Variants in CDKN2B-AS1 observed in about 807,000 individuals in gnomAD.
CDKN2B-AS1 encodes the protein CDKN2B antisense RNA 1 (non-protein coding).
chr9:22,062,658 G>A (rs960389975), intron 4 of CDKN2B-AS1, among the ~76,000 whole-genome samples: 1 of 151,996 alleles, frequency 6.6e-6, no homozygotes, highest in Non-Finnish European at 1.5e-5. Flanking sequence ...TTTCCCCTAA[G>A]TGAGGTGATA....
rs550202518 is a variant in CDKN2B-AS1, at chr9:22,090,005, G to A, written n.438+33618G>A. ...CCCCCACCCCACAACAGGCCCCGGT[G>A]TGTGATGTTCCCCTTCCTGTGTCCA... On this transcript the variant is annotated intron_variant and non_coding_transcript_variant, in intron 4 of 4. Coordinates refer to ENST00000650946, the Ensembl canonical transcript of CDKN2B-AS1. Among the ~76,000 whole-genome samples, 42 of 128,402 alleles carry A rather than the reference G, an allele frequency of 3.3e-4. No individual in the cohort carries two copies. In the East Asian group the frequency reaches 5.4e-3, roughly 17 times the overall value. 84.2% of individuals were successfully genotyped at this position (128,402 alleles called of 152,430 possible).
intron 1 of CDKN2B-AS1, among the ~76,000 whole-genome samples, chr9:22,028,178 A>G (rs968967268): frequency 4.6e-5 from 7 of 151,878 alleles, no homozygotes; most frequent in African/African-American, 1.7e-4. Flanking sequence ...AGCTCCTCCC[A>G]TCTGATAAAA....
chr9:22,126,981 C>A (rs1335649998), intron 4 of CDKN2B-AS1, among the ~76,000 whole-genome samples: 2 of 152,208 alleles, frequency 1.3e-5, no homozygotes, highest in African/African-American at 2.4e-5. Flanking sequence ...AAATCTTTTA[C>A]ATTGTTTGAT....
intron 1 of CDKN2B-AS1, among the ~76,000 whole-genome samples, chr9:22,016,133 C>A (rs1472207617): frequency 1.3e-5 from 2 of 152,042 alleles, no homozygotes; most frequent in African/African-American, 4.8e-5. Flanking sequence ...GCTTTTGTTG[C>A]CATTGCTTTT....
chr9:22,112,622 A>G (rs1350484298), intron 4 of CDKN2B-AS1, among the ~76,000 whole-genome samples: 1 of 152,234 alleles, frequency 6.6e-6, no homozygotes, highest in African/African-American at 2.4e-5. Flanking sequence ...GAATAGGCAG[A>G]TAAAACAATA....
chr9:22,000,985 AT>A lies in CDKN2B-AS1; in HGVS notation n.29+5826del, dbSNP rs1316551173. ...CTGGCGCAGAAAGAAGTGGAATGGA[AT>A]TATCAGGGAGACCCAGTTTTTAGCC... On this transcript the variant is annotated intron_variant and non_coding_transcript_variant, in intron 1 of 4. Coordinates refer to ENST00000650946, the Ensembl canonical transcript of CDKN2B-AS1. This position sits in a 1 kb window ranked among gnomAD's most constrained non-coding sequence, Gnocchi z 4.1. Among the ~76,000 whole-genome samples, 1 of 152,130 alleles carries A rather than the reference AT, an allele frequency of 6.6e-6. No individual in the cohort carries two copies. The highest frequency in any genetic ancestry group is 6.6e-5 in the Admixed American group (1 of 15,258).
intron 4 of CDKN2B-AS1, chr9:22,066,156 T>A (rs1158826283): frequency 6.6e-6 from 1 of 152,170 alleles, no homozygotes; most frequent in Non-Finnish European, 1.5e-5. Context: ...GTGAGGACAA[T>A]GTGGGTGATG....
At chr9:22,099,857 A>G (rs531770268) in intron 4 of CDKN2B-AS1, among the ~76,000 whole-genome samples, 1 of 152,324 alleles carries the variant, frequency 6.6e-6, no homozygotes, top group East Asian at 1.9e-4. Context: ...GGATGCATAA[A>G]GCGTCTCTAG....
At chr9:22,010,471 G>T (rs956876013) in intron 1 of CDKN2B-AS1, among the ~76,000 whole-genome samples, 1 of 152,166 alleles carries the variant, frequency 6.6e-6, no homozygotes, top group Non-Finnish European at 1.5e-5. Flanking sequence ...GTCTTAACAG[G>T]AGGGCAATTG....
chr9:22,011,015 C>A (rs75862666), intron 1 of CDKN2B-AS1, among the ~76,000 whole-genome samples: 1,927 of 152,270 alleles, frequency 0.013, 42 homozygotes, highest in African/African-American at 0.043. Flanking sequence ...TTGCACGAGG[C>A]AGATGTGTGA....
intron 4 of CDKN2B-AS1, among the ~76,000 whole-genome samples, chr9:22,111,101 T>G (rs570748087): frequency 1.3e-5 from 2 of 152,304 alleles, no homozygotes; most frequent in African/African-American, 4.8e-5. Flanking sequence ...GTTCCCATTT[T>G]ATTTATTTAT....
intron 1 of CDKN2B-AS1, chr9:22,029,969 C>CA (rs1444332745): frequency 1.3e-5 from 2 of 152,620 alleles, no homozygotes; most frequent in African/African-American, 4.8e-5. Flanking sequence ...TATAACTTTA[C>CA]TAATCAGTTT....
At chr9:22,100,110 T>C (rs1473384668) in intron 4 of CDKN2B-AS1, among the ~76,000 whole-genome samples, 1 of 152,218 alleles carries the variant, frequency 6.6e-6, no homozygotes, top group African/African-American at 2.4e-5. Flanking sequence ...TTTTATTGAC[T>C]ATATTTTATT....
At chr9:22,062,986 C>CACACACACACAT (rs374229516) in intron 4 of CDKN2B-AS1, among the ~76,000 whole-genome samples, 44,741 of 135,476 alleles carry the variant, frequency 0.33, 8,427 homozygotes, top group East Asian at 0.54. Flanking sequence ...GACACACACA[C>CACACACACACAT]ATATATATAT....
chr9:22,103,184 G>T (rs1537372), intron 4 of CDKN2B-AS1, among the ~76,000 whole-genome samples: 52,334 of 133,078 alleles, frequency 0.39, 10,868 homozygotes, highest in Middle Eastern at 0.63. Flanking sequence ...TGTGTGGTGC[G>T]TGAAGAGAGG....
At chr9:22,077,086 A>C (rs10811652) in intron 4 of CDKN2B-AS1, among the ~76,000 whole-genome samples, 95,487 of 151,964 alleles carry the variant, frequency 0.63, 32,487 homozygotes, top group African/African-American at 0.9. Context: ...AGGTACATCT[A>C]CCCATTTCCT....
At chr9:22,115,311 A>G (rs1306144921) in intron 4 of CDKN2B-AS1, among the ~76,000 whole-genome samples, 1 of 152,162 alleles carries the variant, frequency 6.6e-6, no homozygotes, top group African/African-American at 2.4e-5. Context: ...CTTAGTGAGC[A>G]TATTTTGTAC....
chr9:22,107,363 C>T (rs1244503785), intron 4 of CDKN2B-AS1, among the ~76,000 whole-genome samples: 1 of 152,124 alleles, frequency 6.6e-6, no homozygotes, highest in African/African-American at 2.4e-5. Flanking sequence ...AAGAAAACAA[C>T]CCCAGGGTGT....
At chr9:22,054,260 G>A (rs1331139601) in intron 3 of CDKN2B-AS1, among the ~76,000 whole-genome samples, 1 of 152,204 alleles carries the variant, frequency 6.6e-6, no homozygotes, top group African/African-American at 2.4e-5. Context: ...GATGGAGCTG[G>A]AATGTGAATC....
Sources: gnomAD v4.1 joint callset for allele counts (sites outside exome capture counted in the v4.1 genomes callset) on GRCh38, gnomAD v4.1.1 for gene constraint, Gnocchi (gnomAD v3.1) non-coding constraint, MANE v1.5 for transcripts, NCBI Gene and HGNC (gene_info 2026-07-23, HGNC 2026-07-21) for gene names.